TMEM132C: variants seen among roughly 807,000 people sequenced by gnomAD.
The protein encoded by TMEM132C is transmembrane protein 132C.
In TMEM132C, 29 loss-of-function variants were observed where a neutral mutation model predicts 61.4. That is an observed-to-expected ratio of 0.47 (90% confidence interval 0.35 to 0.64). The LOEUF is 0.64. TMEM132C is among the 30% of genes least tolerant of loss of function. The pLI, the probability that TMEM132C is intolerant of heterozygous loss-of-function variation, is 0.00. For synonymous variants in TMEM132C, 656 were observed against 633.1 expected (o/e 1.04, Z -0.54); for missense variants, 1,408 against 1,476.9 (o/e 0.95, Z 0.76).
At chr12:128,329,128 G>T (rs1235953871) in intron 1 of TMEM132C, among the ~76,000 whole-genome samples, 1 of 152,194 alleles carries the variant, frequency 6.6e-6, no homozygotes. Flanking sequence ...CCAAGGCAAG[G>T]TTTTGGTAAC....
At chr12:128,413,310 A>AAAAC (rs1555223247) in intron 1 of TMEM132C, among the ~76,000 whole-genome samples, 1 of 150,712 alleles carries the variant, frequency 6.6e-6, no homozygotes, top group African/African-American at 2.4e-5. Context: ...AAAAAAAAAA[A>AAAAC]AAAAAAAAAA....
At chr12:128,374,881 A>C (rs1874140059) in intron 1 of TMEM132C, among the ~76,000 whole-genome samples, 1 of 148,062 alleles carries the variant, frequency 6.8e-6, no homozygotes, top group African/African-American at 2.5e-5. Context: ...AGATTGCGCC[A>C]CTGCACTCCA....
intron 3 of TMEM132C, among the ~76,000 whole-genome samples, chr12:128,566,448 A>T (rs988072746): frequency 2.6e-5 from 4 of 152,174 alleles, no homozygotes; most frequent in African/African-American, 9.7e-5. Flanking sequence ...ATTTAAATGT[A>T]TTGGGTTGGT....
At chr12:128,488,318 A>G (rs1224073458) in intron 2 of TMEM132C, among the ~76,000 whole-genome samples, 7 of 152,142 alleles carry the variant, frequency 4.6e-5, no homozygotes, top group Non-Finnish European at 8.8e-5. Flanking sequence ...ACCATTTATT[A>G]TTACCTGGCA....
intron 1 of TMEM132C, among the ~76,000 whole-genome samples, chr12:128,380,631 C>G (rs1199437568): frequency 6.6e-6 from 1 of 151,998 alleles, no homozygotes; most frequent in East Asian, 1.9e-4. Flanking sequence ...AAATATAAGC[C>G]AGGCATGGTG....
intron 3 of TMEM132C, among the ~76,000 whole-genome samples, chr12:128,611,204 T>A (rs1267608578): frequency 8.5e-6 from 1 of 118,276 alleles, no homozygotes; most frequent in Non-Finnish European, 1.8e-5. Context: ...AGTCAGGAAG[T>A]CCTTTGAAGC....
At chr12:128,587,913 T>C (rs989896626) in intron 3 of TMEM132C, among the ~76,000 whole-genome samples, 3 of 152,212 alleles carry the variant, frequency 2.0e-5, no homozygotes, top group African/African-American at 7.2e-5. Flanking sequence ...CGATATGCAT[T>C]CCAAATATGA....
intron 2 of TMEM132C, among the ~76,000 whole-genome samples, chr12:128,454,677 C>T (rs1870286033): frequency 6.6e-6 from 1 of 152,248 alleles, no homozygotes; most frequent in Admixed American, 6.5e-5. Context: ...GGAGTTGACA[C>T]TGACCCTTGG....
At chr12:128,301,429 A>G (rs1566048448) in intron 1 of TMEM132C, among the ~76,000 whole-genome samples, 1 of 152,140 alleles carries the variant, frequency 6.6e-6, no homozygotes, top group Non-Finnish European at 1.5e-5. Context: ...AAATATATCG[A>G]AATTTATTAG....
intron 3 of TMEM132C, among the ~76,000 whole-genome samples, chr12:128,562,702 C>T (rs965773787): frequency 1.1e-4 from 16 of 152,282 alleles, no homozygotes; most frequent in Admixed American, 2.6e-4. Flanking sequence ...CAAGGGCAAG[C>T]GACCATCTTA....
At chr12:128,346,754 C>T (rs994768786) in intron 1 of TMEM132C, among the ~76,000 whole-genome samples, 1 of 152,116 alleles carries the variant, frequency 6.6e-6, no homozygotes, top group African/African-American at 2.4e-5. Flanking sequence ...GATGATTTCC[C>T]TGATTGAATG....
intron 8 of TMEM132C, among the ~76,000 whole-genome samples, chr12:128,703,110 C>A (rs1954814687): frequency 6.6e-6 from 1 of 152,182 alleles, no homozygotes; most frequent in African/African-American, 2.4e-5. Flanking sequence ...CTGCCTCTTC[C>A]TAACGATATG....
intron 1 of TMEM132C, among the ~76,000 whole-genome samples, chr12:128,280,630 T>A (rs868409535): frequency 2.0e-5 from 3 of 152,230 alleles, no homozygotes; most frequent in Non-Finnish European, 4.4e-5. Context: ...GCATCAGATG[T>A]GACTTGATCT....
At chr12:128,434,680 G>GT (rs1459371076) in intron 2 of TMEM132C, among the ~76,000 whole-genome samples, 9 of 151,998 alleles carry the variant, frequency 5.9e-5, no homozygotes, top group African/African-American at 2.2e-4. Flanking sequence ...TCGGCTCACT[G>GT]CAACCTCTGC....
intron 2 of TMEM132C, among the ~76,000 whole-genome samples, chr12:128,492,083 G>A (rs1871755232): frequency 1.3e-5 from 2 of 152,076 alleles, no homozygotes; most frequent in Admixed American, 1.3e-4. Flanking sequence ...TCCCACCTAT[G>A]AGTGAGAACA....
At chr12:128,462,412 G>A (rs979104019) in intron 2 of TMEM132C, among the ~76,000 whole-genome samples, 10 of 152,166 alleles carry the variant, frequency 6.6e-5, no homozygotes, top group Non-Finnish European at 1.2e-4. Flanking sequence ...AGGTATCAGC[G>A]GACCTGAGGA....
chr12:128,296,281 A>G (rs1871411984), intron 1 of TMEM132C, among the ~76,000 whole-genome samples: 1 of 152,188 alleles, frequency 6.6e-6, no homozygotes, highest in Admixed American at 6.5e-5. Context: ...CTTAAATGGT[A>G]AGGAAACATA....
chr12:128,488,281 G>A (rs1871573130), intron 2 of TMEM132C, among the ~76,000 whole-genome samples: 1 of 152,226 alleles, frequency 6.6e-6, no homozygotes, highest in South Asian at 2.1e-4. Context: ...TGCTCTGAAT[G>A]TGTACCCTGT....
chr12:128,360,275 CACACA>C (rs1565912312), intron 1 of TMEM132C, among the ~76,000 whole-genome samples: 16 of 149,032 alleles, frequency 1.1e-4, no homozygotes, highest in South Asian at 2.1e-4. Context: ...CACACACACA[CACACA>C]CCCCAGGATA....
Sources: gnomAD v4.1 joint callset for allele counts (sites outside exome capture counted in the v4.1 genomes callset) on GRCh38, gnomAD v4.1.1 for gene constraint, MANE v1.5 for transcripts, NCBI Gene and HGNC (gene_info 2026-07-23, HGNC 2026-07-21) for gene names.